Variants in HERC1 observed in about 807,000 individuals in gnomAD.
HERC1 encodes the protein probable E3 ubiquitin-protein ligase HERC1.
Under a neutral mutation model 554.3 loss-of-function variants are expected in HERC1, and 160 were observed. The observed-to-expected ratio is 0.29, with a 90% CI of 0.25 to 0.33. HERC1 has a LOEUF of 0.33. HERC1 is among the 10% of genes least tolerant of loss of function. The pLI, the probability that HERC1 is intolerant of heterozygous loss-of-function variation, is 1.00. For missense variants in HERC1, 4,919 were observed against 5,918.5 expected, an observed-to-expected ratio of 0.83 and a Z score of 5.54; for synonymous variants, 2,175 against 2,131.7, an observed-to-expected ratio of 1.02 and a Z score of -0.56.
rs202016769 is a variant in HERC1 at position 63,718,491 on chromosome 15, A to AT, written c.3978+82dup. 2,784 of 1,376,912 alleles carry AT rather than the reference A, an allele frequency of 2.0e-3. 50 individuals carry two copies. The African/African-American group carries it at 0.037, about 18-fold the overall frequency. The allele number at this position is 1,376,912 out of a possible 1,614,324, so 85.3% of individuals were successfully genotyped here. A position where few individuals can be genotyped will look rare whatever the true frequency, so the allele number is the denominator to read the frequency against. ...TGAACATATGCAATAACCAAGGCACATTTTTTTCTCACATAAACCAATTTA... is the reference window on the plus strand; with the variant it reads ...TGAACATATGCAATAACCAAGGCACATTTTTTTTCTCACATAAACCAATTTA... On this transcript the variant is annotated intron_variant, in intron 21 of 77. Transcript: ENST00000443617. The surrounding 1 kb of genome is among the most constrained non-coding windows in gnomAD (Gnocchi z 4.2).
intron 1 of HERC1, among the ~76,000 whole-genome samples, chr15:63,795,390 G>A (rs1292247344): frequency 6.6e-6 from 1 of 152,122 alleles, no homozygotes; most frequent in African/African-American, 2.4e-5. Flanking sequence ...GTGTATGAGA[G>A]ATGTTGATAG....
In HERC1 at chr15:63,694,082, T is replaced by G; in HGVS notation, c.5556A>C (p.Leu1852Phe). 1 of 1,610,386 alleles carries G rather than the reference T, an allele frequency of 6.2e-7. No homozygotes were observed. The highest frequency in any genetic ancestry group is 8.5e-7 in the Non-Finnish European group (1 of 1,178,250). Residue 1852 changes from leucine to phenylalanine, a missense_variant, in exon 30 of 78, where the codon TTA (leucine) becomes TTC (phenylalanine). By Grantham distance (22) the Leu-to-Phe change is conservative. Coordinates refer to ENST00000443617, the MANE Select transcript of HERC1 (RefSeq NM_003922.4). The surrounding 1 kb of genome is among the most constrained non-coding windows in gnomAD (Gnocchi z 4.3). ...LDLLCSQLKN[L>F]LSQTGVLHMA... ...TATGTAGTACACCAGTTTGGGACAA[T>G]AAATTCTTCAACTGACTACAGAGTA... is the stretch of plus-strand genomic sequence containing the variant.
intron 65 of HERC1, among the ~76,000 whole-genome samples, chr15:63,635,132 C>T (rs2152817810): frequency 6.6e-6 from 1 of 152,128 alleles, no homozygotes; most frequent in South Asian, 2.1e-4. Context: ...ACTGCAGCCC[C>T]AAACTCCTGG....
At chr15:63,672,214 A>T (rs1163549328) in intron 39 of HERC1, among the ~76,000 whole-genome samples, 1 of 152,204 alleles carries the variant, frequency 6.6e-6, no homozygotes, top group Non-Finnish European at 1.5e-5. Context: ...TAGGGGAAAA[A>T]ATTATCATCA....
chr15:63,694,305 T>C lies in HERC1; in HGVS notation c.5480+7A>G, dbSNP rs947620978. On this transcript the variant is annotated splice_region_variant and intron_variant, in intron 29 of 77. Transcript: ENST00000443617. The surrounding 1 kb of genome is among the most constrained non-coding windows in gnomAD (Gnocchi z 4.3). Reference sequence around the variant, plus strand: ...TACAGTTCTACAAAGACATCTACCATACTTACCCAGTAGTGATGGCTAGAA... The same window carrying C: ...TACAGTTCTACAAAGACATCTACCACACTTACCCAGTAGTGATGGCTAGAA... 2 of 1,609,444 alleles carry C rather than the reference T, an allele frequency of 1.2e-6. No individual in the cohort carries two copies. Among genetic ancestry groups the C allele is most frequent in the African/African-American group, 2.7e-5 (2 of 75,004 alleles).
rs763194040 is a variant in HERC1, at chr15:63,749,355, A to C, written c.2219+12T>G. On this transcript the variant is annotated intron_variant, in intron 10 of 77. Transcript: ENST00000443617. The surrounding 1 kb of genome is among the most constrained non-coding windows in gnomAD (Gnocchi z 4.1). ...AAAACACACAAGAATTTTTAAACAT[A>C]GGCACTCTTACCTGTCCCTAGGAAG... The C allele has an allele frequency of 6.4e-7, 1 of 1,569,412 alleles. No individual in the cohort carries two copies. Among genetic ancestry groups the C allele is most frequent in the Non-Finnish European group, 8.6e-7 (1 of 1,162,398 alleles).
chr15:63,667,784 G>T (rs1452070076), intron 40 of HERC1, among the ~76,000 whole-genome samples: 1 of 152,138 alleles, frequency 6.6e-6, no homozygotes, highest in African/African-American at 2.4e-5. Flanking sequence ...GTTGACTCTT[G>T]AACAACATGG....
chr15:63,721,425 C>T (rs1347419787), intron 19 of HERC1, among the ~76,000 whole-genome samples: 1 of 152,070 alleles, frequency 6.6e-6, no homozygotes, highest in Non-Finnish European at 1.5e-5. Flanking sequence ...ACTCAGGAGG[C>T]TGAGGCAGGA....
chr15:63,616,382 C>CAT, intron 75 of HERC1, 48 bp downstream of exon 75: 1 of 1,575,608 alleles, frequency 6.3e-7, no homozygotes, highest in South Asian at 1.1e-5. Context: ...CTAGTCTGTG[C>CAT]ATATAGGACG....
chr15:63,729,530 C>T lies in HERC1; in HGVS notation c.2988G>A (p.Leu996=). The change falls in exon 15 of 78, where the codon CTG becomes CTA. Residue 996 remains leucine, a synonymous_variant. Transcript: ENST00000443617. ...HELLCSLQKQ[L]LAFCHINNIS... ...TGTTATTGATATGGCAAAATGCCAG[C>T]AGCTGTTTCTGTAGTGAACATAGCA... 1.2e-6 allele frequency: 2 copies of T among 1,613,762 alleles called. No individual in the cohort carries two copies. Among genetic ancestry groups the T allele is most frequent in the Non-Finnish European group, 1.7e-6 (2 of 1,179,752 alleles).
intron 1 of HERC1, among the ~76,000 whole-genome samples, chr15:63,780,301 G>C (rs907671037): frequency 1.3e-5 from 2 of 152,044 alleles, no homozygotes; most frequent in Non-Finnish European, 2.9e-5. Flanking sequence ...AATTACTGCT[G>C]TCTAGTCATC....
Position 63,758,113 on chromosome 15 carries a change from G to C in HERC1, c.1221+62C>G, listed in dbSNP as rs1422295422. ...TAAAAAATACTCAGTATTATTTAATGCAAATAAGCATGAATATACACCAGA... is the reference window on the plus strand; with the variant it reads ...TAAAAAATACTCAGTATTATTTAATCCAAATAAGCATGAATATACACCAGA... On this transcript the variant is annotated intron_variant, in intron 4 of 77. Transcript: ENST00000443617. The surrounding 1 kb of genome is among the most constrained non-coding windows in gnomAD (Gnocchi z 4.0). 1 of 1,169,516 alleles carries C rather than the reference G, an allele frequency of 8.6e-7. No individual in the cohort carries two copies. The highest frequency in any genetic ancestry group is 1.2e-6 in the Non-Finnish European group (1 of 813,332). 72.4% of individuals were successfully genotyped at this position (1,169,516 alleles called of 1,614,324 possible). A position where few individuals can be genotyped will look rare whatever the true frequency, so the allele number is the denominator to read the frequency against.
chr15:63,778,053 AAAC>A (rs539942318), intron 1 of HERC1, among the ~76,000 whole-genome samples: 131 of 152,344 alleles, frequency 8.6e-4, no homozygotes, highest in African/African-American at 3.0e-3. Context: ...AATTTAAGAA[AAAC>A]AAGAAGGAAA....
intron 59 of HERC1, 71 bp from the exon 60 acceptor site, chr15:63,641,714 T>C: frequency 8.5e-6 from 11 of 1,287,264 alleles, no homozygotes; most frequent in Non-Finnish European, 1.1e-5. Flanking sequence ...CCATTTAATC[T>C]GCGAAATTCC....
At chr15:63,818,747 T>C (rs756675417) in intron 1 of HERC1, among the ~76,000 whole-genome samples, 1 of 152,218 alleles carries the variant, frequency 6.6e-6, no homozygotes, top group Non-Finnish European at 1.5e-5. Flanking sequence ...TACTAAACTT[T>C]TATCAACATT....
intron 36 of HERC1, among the ~76,000 whole-genome samples, chr15:63,679,344 G>A (rs2071360396): frequency 1.3e-5 from 2 of 152,148 alleles, no homozygotes; most frequent in South Asian, 4.1e-4. Flanking sequence ...TTAAAAATAT[G>A]TATTTTTAAA....
In HERC1 at chr15:63,666,068, C is replaced by CA; in HGVS notation, c.8405_8406insT (p.Glu2802AspfsTer12). On this transcript the variant is annotated frameshift_variant, in exon 42 of 78. Coordinates refer to ENST00000443617, the MANE Select transcript of HERC1 (RefSeq NM_003922.4). LOFTEE classifies it high-confidence loss of function. ...CTGCTGTGCTGCCCGACTGGGGCTCCTCTTCATCCTCATGCCCAGGGTGCT... is the reference window on the plus strand; with the variant it reads ...CTGCTGTGCTGCCCGACTGGGGCTCCATCTTCATCCTCATGCCCAGGGTGCT... 1 of 1,614,036 alleles carries CA rather than the reference C, an allele frequency of 6.2e-7. No homozygotes were observed. Among genetic ancestry groups the CA allele is most frequent in the Non-Finnish European group, 8.5e-7 (1 of 1,179,894 alleles).
Position 63,703,109 on chromosome 15 carries a change from CAAAAAAAAAAA to C in HERC1, c.4636+3660_4636+3670del, listed in dbSNP as rs372589572. On this transcript the variant is annotated intron_variant, in intron 25 of 77. Transcript: ENST00000443617. ...TGGGCTACAGAGCGAGACTCTGTCTCAAAAAAAAAAAAAAAAAAAGAGTAAATTTAGCTTTG... is the reference window on the plus strand; with the variant it reads ...TGGGCTACAGAGCGAGACTCTGTCTCAAAAAAAAGAGTAAATTTAGCTTTG... Among the ~76,000 whole-genome samples the C allele has an allele frequency of 8.4e-3, 768 of 91,752 alleles. 9 individuals carry two copies. The highest frequency in any genetic ancestry group is 0.03 in the African/African-American group (738 of 24,208). The allele number at this position is 91,752 out of a possible 152,430, so 60.2% of individuals were successfully genotyped here.
Position 63,802,864 on chromosome 15 carries a change from G to A in HERC1, c.-26-27215C>T, listed in dbSNP as rs1224530560. Among the ~76,000 whole-genome samples, 8 of 152,182 alleles carry A rather than the reference G, an allele frequency of 5.3e-5. No individual in the cohort carries two copies. In the East Asian group the frequency reaches 1.5e-3, roughly 29 times the overall value. ...ATAATAGCAGTTACAATTCACTGAAGCACTTTCTATGTGGCAGAAAATACA... is the reference window on the plus strand; with the variant it reads ...ATAATAGCAGTTACAATTCACTGAAACACTTTCTATGTGGCAGAAAATACA... On this transcript the variant is annotated intron_variant, in intron 1 of 77. Transcript: ENST00000443617.
Sources: allele counts gnomAD v4.1 joint callset (sites outside exome capture counted in the v4.1 genomes callset), GRCh38; gene constraint gnomAD v4.1.1; non-coding constraint Gnocchi (gnomAD v3.1); transcripts MANE v1.5; gene names NCBI Gene and HGNC (gene_info 2026-07-23, HGNC 2026-07-21).